Variants in DOK6 observed in about 807,000 individuals in gnomAD.
DOK6 encodes the protein downstream of tyrosine kinase 6.
Under a neutral mutation model 44.0 loss-of-function variants are expected in DOK6, and 22 were observed. That is an observed-to-expected ratio of 0.50 (90% CI 0.36 to 0.71). The LOEUF (loss-of-function observed/expected upper bound fraction) is 0.71. DOK6 is among the 30% of genes least tolerant of loss of function. The pLI is 0.00. For synonymous variants in DOK6, 166 were observed against 145.5 expected, an observed-to-expected ratio of 1.14 and a Z score of -1.01; for missense variants, 340 against 416.4, an observed-to-expected ratio of 0.82 and a Z score of 1.60.
rs1051956192 is a variant in DOK6, at chr18:69,566,224, G to A, written c.174+1630G>A. On this transcript the variant is annotated intron_variant, in intron 2 of 7. Coordinates refer to ENST00000382713, the MANE Select transcript of DOK6 (RefSeq NM_152721.6). Reference sequence around the variant, plus strand: ...GCGATCTCGGCTCACTGTAAGCTCCGCCTTCGGGTTCACACCATTCTCCTG... The same window carrying A: ...GCGATCTCGGCTCACTGTAAGCTCCACCTTCGGGTTCACACCATTCTCCTG... Among the ~76,000 whole-genome samples, 10 of 151,710 alleles carry A rather than the reference G, an allele frequency of 6.6e-5. No homozygotes were observed. In the East Asian group the frequency reaches 9.7e-4, roughly 15 times the overall value.
Position 69,617,391 on chromosome 18 carries a change from G to C in DOK6, c.289+17893G>C, listed in dbSNP as rs116212450. 2.5e-3 allele frequency among the ~76,000 whole-genome samples: 378 copies of C among 149,532 alleles called. 3 individuals are homozygous for C. The highest frequency in any genetic ancestry group is 8.7e-3 in the African/African-American group (352 of 40,482). Reference sequence around the variant, plus strand: ...CTGAGCGATAGGAGAAAAAGAGAGAGAGAGAAAAGACTGAGCGATAGGAGA... The same window carrying C: ...CTGAGCGATAGGAGAAAAAGAGAGACAGAGAAAAGACTGAGCGATAGGAGA... On this transcript the variant is annotated intron_variant, in intron 3 of 7. Coordinates refer to ENST00000382713, the MANE Select transcript of DOK6 (RefSeq NM_152721.6).
intron 1 of DOK6, among the ~76,000 whole-genome samples, chr18:69,448,659 C>T (rs1979365475): frequency 2.0e-5 from 3 of 152,184 alleles, no homozygotes; most frequent in African/African-American, 7.2e-5. Flanking sequence ...CAGGTGTGAG[C>T]CACCGTGCCC....
chr18:69,498,323 ATTC>A (rs542218831), intron 1 of DOK6, among the ~76,000 whole-genome samples: 161 of 152,318 alleles, frequency 1.1e-3, no homozygotes, highest in African/African-American at 3.7e-3. Context: ...AAATAGAACA[ATTC>A]TTCTTTGAAA....
intron 5 of DOK6, among the ~76,000 whole-genome samples, chr18:69,700,305 A>G (rs1986490639): frequency 6.7e-6 from 1 of 149,480 alleles, no homozygotes; most frequent in African/African-American, 2.5e-5. Context: ...ATTTACCAGC[A>G]CTACCTCCAG....
At chr18:69,425,032 G>C (rs1978598994) in intron 1 of DOK6, among the ~76,000 whole-genome samples, 1 of 152,100 alleles carries the variant, frequency 6.6e-6, no homozygotes, top group Non-Finnish European at 1.5e-5. Context: ...TTAGGTCAGA[G>C]TAACACAGTA....
At chr18:69,458,017 C>A (rs907375025) in intron 1 of DOK6, among the ~76,000 whole-genome samples, 1 of 152,148 alleles carries the variant, frequency 6.6e-6, no homozygotes, top group African/African-American at 2.4e-5. Context: ...GTGGCGCATG[C>A]CTGTAATCCC....
intron 2 of DOK6, among the ~76,000 whole-genome samples, chr18:69,585,829 A>C (rs1983486727): frequency 6.6e-6 from 1 of 152,232 alleles, no homozygotes; most frequent in Admixed American, 6.5e-5. Flanking sequence ...GTTTCTCCTA[A>C]GCTTTTCCAT....
In DOK6 at chr18:69,620,566, C is replaced by T. The variant is rs949250154; in HGVS notation, c.289+21068C>T. On this transcript the variant is annotated intron_variant, in intron 3 of 7. Transcript: ENST00000382713. The stretch of plus-strand genomic sequence containing the variant: ...GCAGCCAGACTGAGTTCTAATTACC[C>T]CTCTCTACACCTCTGATTCCCCTTA... Among the ~76,000 whole-genome samples the T allele has an allele frequency of 1.8e-4, 27 of 152,070 alleles. 1 individual carries two copies. Among genetic ancestry groups the T allele is most frequent in the Admixed American group, 1.0e-3 (16 of 15,268 alleles).
At chr18:69,527,622 A>C (rs189114719) in intron 1 of DOK6, among the ~76,000 whole-genome samples, 1 of 152,166 alleles carries the variant, frequency 6.6e-6, no homozygotes, top group African/African-American at 2.4e-5. Flanking sequence ...AGCATAATGC[A>C]ATTAGATTAT....
intron 2 of DOK6, among the ~76,000 whole-genome samples, chr18:69,566,421 C>T (rs1407180040): frequency 1.3e-5 from 2 of 152,212 alleles, no homozygotes. Context: ...CAGGCGCGAA[C>T]CACCGCACCC....
chr18:69,546,049 G>A (rs151240110), intron 1 of DOK6, among the ~76,000 whole-genome samples: 6 of 151,264 alleles, frequency 4.0e-5, no homozygotes, highest in East Asian at 3.9e-4. Context: ...AGGCCAAGGC[G>A]GGCGGATCAC....
At chr18:69,705,740 T>G (rs997836646) in intron 5 of DOK6, among the ~76,000 whole-genome samples, 2 of 152,212 alleles carry the variant, frequency 1.3e-5, no homozygotes, top group African/African-American at 4.8e-5. Context: ...TTCAAATGCC[T>G]TTCATTTTTG....
chr18:69,756,625 T>C (rs1208248186), intron 6 of DOK6, among the ~76,000 whole-genome samples: 2 of 152,208 alleles, frequency 1.3e-5, no homozygotes, highest in Non-Finnish European at 2.9e-5. Flanking sequence ...AACGACCTGG[T>C]GTGTCATATC....
chr18:69,489,905 T>C (rs1200700142), intron 1 of DOK6, among the ~76,000 whole-genome samples: 1 of 151,050 alleles, frequency 6.6e-6, no homozygotes, highest in Admixed American at 6.6e-5. Flanking sequence ...AAGTGGTGAA[T>C]AGTTTTTGGA....
chr18:69,630,385 T>C (rs919278093), intron 3 of DOK6, among the ~76,000 whole-genome samples: 2 of 152,240 alleles, frequency 1.3e-5, no homozygotes, highest in Non-Finnish European at 2.9e-5. Context: ...TGTCACATTT[T>C]AGTTCCCTTG....
At chr18:69,812,616 T>C (rs1981276096) in intron 7 of DOK6, among the ~76,000 whole-genome samples, 1 of 152,174 alleles carries the variant, frequency 6.6e-6, no homozygotes, top group Non-Finnish European at 1.5e-5. Context: ...TCAGCATGAA[T>C]GATCCTGACT....
At chr18:69,458,273 A>G (rs928943192) in intron 1 of DOK6, among the ~76,000 whole-genome samples, 1 of 152,268 alleles carries the variant, frequency 6.6e-6, no homozygotes, top group African/African-American at 2.4e-5. Context: ...GATTCACCAC[A>G]TAAAAAGAAT....
In DOK6 at chr18:69,411,829, T is replaced by C. The variant is rs576199574; in HGVS notation, c.66+10519T>C. Among the ~76,000 whole-genome samples, 5 of 152,266 alleles carry C rather than the reference T, an allele frequency of 3.3e-5. No individual in the cohort carries two copies. The South Asian group carries it at 1.0e-3, about 32-fold the overall frequency. ...TTACTCGTATGTAAGGAAGCAGATATTTGGCAAGTAATTACTACCTTATCT... is the reference window on the plus strand; with the variant it reads ...TTACTCGTATGTAAGGAAGCAGATACTTGGCAAGTAATTACTACCTTATCT... On this transcript the variant is annotated intron_variant, in intron 1 of 7. Coordinates refer to ENST00000382713, the MANE Select transcript of DOK6 (RefSeq NM_152721.6).
At chr18:69,494,676 C>CT (rs1980831593) in intron 1 of DOK6, among the ~76,000 whole-genome samples, 1 of 152,102 alleles carries the variant, frequency 6.6e-6, no homozygotes, top group African/African-American at 2.4e-5. Context: ...AATTAAATGA[C>CT]TTGGTTAAAT....
Sources: allele counts gnomAD v4.1 joint callset (sites outside exome capture counted in the v4.1 genomes callset), GRCh38; gene constraint gnomAD v4.1.1; transcripts MANE v1.5; gene names NCBI Gene and HGNC (gene_info 2026-07-23, HGNC 2026-07-21).